The following NRG3 variants were observed in gnomAD, a reference collection of about 807,000 sequenced individuals.
The protein encoded by NRG3 is pro-neuregulin-3, membrane-bound isoform.
Under a neutral mutation model 66.9 loss-of-function variants are expected in NRG3, and 31 were observed. The observed-to-expected ratio is 0.46, with a 90% CI of 0.35 to 0.63. The LOEUF (loss-of-function observed/expected upper bound fraction) is 0.63, where lower values mean the gene tolerates loss of function less well. Ranked by LOEUF, NRG3 falls within the 20% of genes least tolerant of loss-of-function variation. The pLI is 0.00. For synonymous variants in NRG3, 393 were observed against 359.4 expected (o/e 1.09, Z -1.06); for missense variants, 910 against 878.9 (o/e 1.04, Z -0.45).
Position 81,952,970 on chromosome 10 carries a change from T to C in NRG3, c.823+76807T>C, listed in dbSNP as rs563423908. ...TGGCCAGGCTAATGCTTCTCTGAGC[T>C]GTTTGTCTCTCTGGCCTCATCTGCA... On this transcript the variant is annotated intron_variant, in intron 1 of 8. Coordinates refer to ENST00000372141, the MANE Select transcript of NRG3 (RefSeq NM_001010848.4). Among the ~76,000 whole-genome samples the C allele has an allele frequency of 3.9e-5, 6 of 152,228 alleles. No individual in the cohort carries two copies. The East Asian group carries it at 1.2e-3, about 30-fold the overall frequency.
At chr10:82,812,355 T>A (rs941426721) in intron 3 of NRG3, among the ~76,000 whole-genome samples, 1 of 152,206 alleles carries the variant, frequency 6.6e-6, no homozygotes, top group Non-Finnish European at 1.5e-5. Context: ...TGTTTTTCTT[T>A]GAGGCAAATT....
intron 3 of NRG3, among the ~76,000 whole-genome samples, chr10:82,771,035 C>A (rs1189566581): frequency 6.6e-6 from 1 of 152,042 alleles, no homozygotes; most frequent in Admixed American, 6.6e-5. Flanking sequence ...AATTAATGAT[C>A]CAAGGATTTA....
At chr10:82,657,678 A>G (rs1217337237) in intron 2 of NRG3, among the ~76,000 whole-genome samples, 1 of 152,178 alleles carries the variant, frequency 6.6e-6, no homozygotes, top group East Asian at 1.9e-4. Flanking sequence ...ACAACTGTAC[A>G]TTACAAATGA....
intron 3 of NRG3, among the ~76,000 whole-genome samples, chr10:82,767,913 GT>G (rs1263551064): frequency 6.6e-6 from 1 of 150,854 alleles, no homozygotes; most frequent in Non-Finnish European, 1.5e-5. Context: ...CTCTGTTCAT[GT>G]TTAAGAGTAA....
intron 2 of NRG3, among the ~76,000 whole-genome samples, chr10:82,571,029 C>T (rs1294253462): frequency 6.6e-6 from 1 of 151,444 alleles, no homozygotes; most frequent in African/African-American, 2.4e-5. Flanking sequence ...TTTGTTGTAG[C>T]TTGATTATTT....
At chr10:82,952,575 T>G (rs571513119) in intron 5 of NRG3, among the ~76,000 whole-genome samples, 2 of 148,764 alleles carry the variant, frequency 1.3e-5, no homozygotes, top group African/African-American at 5.1e-5. Context: ...TGATATAATC[T>G]GCACTTAAGA....
intron 1 of NRG3, among the ~76,000 whole-genome samples, chr10:82,297,192 C>T (rs2080117744): frequency 6.6e-6 from 1 of 152,030 alleles, no homozygotes; most frequent in Non-Finnish European, 1.5e-5. Flanking sequence ...TTGATGGATA[C>T]TTAGGTTGAT....
chr10:82,599,671 G>C (rs775860594), intron 2 of NRG3, among the ~76,000 whole-genome samples: 1 of 151,950 alleles, frequency 6.6e-6, no homozygotes, highest in Non-Finnish European at 1.5e-5. Context: ...AAAAATAGTC[G>C]GGCGTGGTGG....
chr10:82,058,042 T>A (rs2063942008), intron 1 of NRG3, among the ~76,000 whole-genome samples: 1 of 152,000 alleles, frequency 6.6e-6, no homozygotes, highest in African/African-American at 2.4e-5. Flanking sequence ...CAGTCGTGCA[T>A]TAAAAACCGA....
intron 6 of NRG3, among the ~76,000 whole-genome samples, chr10:82,964,325 A>G (rs1850983056): frequency 6.6e-6 from 1 of 152,190 alleles, no homozygotes. Context: ...AGCTTATAGT[A>G]GGCAGGCTGG....
intron 1 of NRG3, among the ~76,000 whole-genome samples, chr10:82,231,246 G>A (rs2133885427): frequency 6.6e-6 from 1 of 152,282 alleles, no homozygotes; most frequent in African/African-American, 2.4e-5. Flanking sequence ...GGGAGGCTGA[G>A]GCAGGAGAAT....
intron 2 of NRG3, among the ~76,000 whole-genome samples, chr10:82,685,674 G>A (rs1054331762): frequency 6.6e-6 from 1 of 151,576 alleles, no homozygotes; most frequent in African/African-American, 2.4e-5. Context: ...TTACTGTTTT[G>A]TAGTAATACT....
At chr10:81,932,733 T>G (rs962093594) in intron 1 of NRG3, among the ~76,000 whole-genome samples, 5 of 152,172 alleles carry the variant, frequency 3.3e-5, no homozygotes, top group South Asian at 2.1e-4. Flanking sequence ...TTTTCAGTGT[T>G]GTTTTTTAAG....
chr10:81,991,868 A>T (rs2060755279), intron 1 of NRG3, among the ~76,000 whole-genome samples: 2 of 152,130 alleles, frequency 1.3e-5, no homozygotes, highest in South Asian at 4.1e-4. Context: ...AGAGTAAACT[A>T]TGTAAATTCC....
chr10:82,452,308 G>A (rs986078960), intron 2 of NRG3, among the ~76,000 whole-genome samples: 3 of 152,176 alleles, frequency 2.0e-5, no homozygotes, highest in African/African-American at 7.2e-5. Flanking sequence ...CACTACATCT[G>A]CTGAATCAGC....
At chr10:82,609,619 A>G (rs374971931) in intron 2 of NRG3, among the ~76,000 whole-genome samples, 29 of 151,216 alleles carry the variant, frequency 1.9e-4, no homozygotes, top group African/African-American at 6.8e-4. Flanking sequence ...AGAAAATTGG[A>G]AAAAAAAATA....
chr10:82,430,199 A>T (rs1424111512), intron 2 of NRG3, among the ~76,000 whole-genome samples: 1 of 152,002 alleles, frequency 6.6e-6, no homozygotes, highest in Non-Finnish European at 1.5e-5. Context: ...ATTTTAGTTG[A>T]CTATTTTTCC....
At chr10:82,944,411 T>C (rs948990807) in intron 4 of NRG3, among the ~76,000 whole-genome samples, 3 of 152,226 alleles carry the variant, frequency 2.0e-5, no homozygotes, top group Admixed American at 2.0e-4. Flanking sequence ...GTCATGCTTA[T>C]TCCATTTCAG....
At chr10:82,853,858 G>A (rs1409694362) in intron 3 of NRG3, among the ~76,000 whole-genome samples, 1 of 152,100 alleles carries the variant, frequency 6.6e-6, no homozygotes, top group Non-Finnish European at 1.5e-5. Context: ...GTGAGAGTGG[G>A]CATCCTTGTC....
Sources: gnomAD v4.1 joint callset for allele counts (sites outside exome capture counted in the v4.1 genomes callset) on GRCh38, gnomAD v4.1.1 for gene constraint, MANE v1.5 for transcripts, NCBI Gene and HGNC (gene_info 2026-07-23, HGNC 2026-07-21) for gene names.